The following CTNNA3 variants were observed in gnomAD, a reference collection of about 807,000 sequenced individuals.
The protein encoded by CTNNA3 is catenin alpha 3.
Under a neutral mutation model 95.7 loss-of-function variants are expected in CTNNA3, and 76 were observed. That is an observed-to-expected ratio of 0.79 (90% CI 0.66 to 0.96). The LOEUF (loss-of-function observed/expected upper bound fraction) is 0.96. CTNNA3 is among the 40% of genes least tolerant of loss of function. CTNNA3 has a pLI of 0.00. For synonymous variants in CTNNA3, 431 were observed against 374.4 expected, an observed-to-expected ratio of 1.15 and a Z score of -1.74; for missense variants, 1,191 against 1,089.8, an observed-to-expected ratio of 1.09 and a Z score of -1.31.
chr10:67,338,787 A>G (rs1187493651), intron 5 of CTNNA3, among the ~76,000 whole-genome samples: 1 of 152,212 alleles, frequency 6.6e-6, no homozygotes, highest in Non-Finnish European at 1.5e-5. Flanking sequence ...CATTTCTGCC[A>G]ATCTTGCTGT....
chr10:66,383,645 C>T (rs939086617), intron 11 of CTNNA3, among the ~76,000 whole-genome samples: 1 of 152,138 alleles, frequency 6.6e-6, no homozygotes, highest in Non-Finnish European at 1.5e-5. Flanking sequence ...ACATGATTGT[C>T]AGATTCACCA....
chr10:67,561,783 C>A (rs1329601572), intron 3 of CTNNA3, among the ~76,000 whole-genome samples: 1 of 151,800 alleles, frequency 6.6e-6, no homozygotes, highest in Non-Finnish European at 1.5e-5. Flanking sequence ...TCAAACAGAT[C>A]CAATAAAAAA....
At chr10:67,445,862 AC>A (rs1010373555) in intron 5 of CTNNA3, among the ~76,000 whole-genome samples, 1 of 152,204 alleles carries the variant, frequency 6.6e-6, no homozygotes, top group African/African-American at 2.4e-5. Context: ...CACTGCAATA[AC>A]CCATTTACTC....
chr10:66,175,560 C>T (rs1029751725), intron 13 of CTNNA3, among the ~76,000 whole-genome samples: 9 of 152,092 alleles, frequency 5.9e-5, no homozygotes, highest in Non-Finnish European at 5.9e-5. Context: ...GCAGTTAACA[C>T]AAATAACAAA....
chr10:67,215,863 C>A (rs567979694), intron 6 of CTNNA3, among the ~76,000 whole-genome samples: 2 of 152,118 alleles, frequency 1.3e-5, no homozygotes, highest in Non-Finnish European at 2.9e-5. Flanking sequence ...AAGCTCCAGG[C>A]CATAATTGAA....
At chr10:66,960,865 G>C (rs947996073) in intron 7 of CTNNA3, among the ~76,000 whole-genome samples, 2 of 152,126 alleles carry the variant, frequency 1.3e-5, no homozygotes, top group African/African-American at 2.4e-5. Context: ...CATAGGAGAA[G>C]GAAAGGATCT....
At chr10:66,708,717 C>T (rs1447049244) in intron 9 of CTNNA3, among the ~76,000 whole-genome samples, 1 of 151,952 alleles carries the variant, frequency 6.6e-6, no homozygotes, top group Non-Finnish European at 1.5e-5. Flanking sequence ...AATTTAGAGC[C>T]AAAAGAGACC....
intron 7 of CTNNA3, among the ~76,000 whole-genome samples, chr10:67,026,978 G>A (rs188898492): frequency 1.7e-4 from 26 of 152,266 alleles, no homozygotes; most frequent in African/African-American, 5.3e-4. Context: ...AGTTAATTCT[G>A]GGTTCTCAGA....
At chr10:67,267,620 C>A (rs1589108277) in intron 5 of CTNNA3, among the ~76,000 whole-genome samples, 1 of 152,080 alleles carries the variant, frequency 6.6e-6, no homozygotes, top group African/African-American at 2.4e-5. Context: ...CCCACCTCGG[C>A]CTCCCAAAAA....
At chr10:65,983,110 T>G (rs1311898136) in intron 16 of CTNNA3, among the ~76,000 whole-genome samples, 2 of 151,730 alleles carry the variant, frequency 1.3e-5, no homozygotes, top group Non-Finnish European at 3.0e-5. Context: ...TCATCTTTTC[T>G]TGAATTAGAA....
intron 10 of CTNNA3, among the ~76,000 whole-genome samples, chr10:66,524,350 T>C (rs1305410096): frequency 6.6e-6 from 1 of 152,172 alleles, no homozygotes. Context: ...CCATAAATGC[T>C]ATACTTACAA....
At chr10:67,467,115 G>A (rs186631672) in intron 5 of CTNNA3, among the ~76,000 whole-genome samples, 12 of 152,144 alleles carry the variant, frequency 7.9e-5, no homozygotes, top group Non-Finnish European at 1.6e-4. Flanking sequence ...TTCAGCCTGG[G>A]AGACAGAGTG....
chr10:66,418,525 C>A lies in CTNNA3; in HGVS notation c.1532-39173G>T, dbSNP rs76361224. ...TTCTTCCTAACATATTCTATAAAGC[C>A]GGTATCATTCTGATACCAAAAGCAC... On this transcript the variant is annotated intron_variant, in intron 11 of 17. Coordinates refer to ENST00000433211, the MANE Select transcript of CTNNA3 (RefSeq NM_013266.4). 3.7e-3 allele frequency among the ~76,000 whole-genome samples: 549 copies of A among 148,864 alleles called. 10 individuals are homozygous for A. In the East Asian group the frequency reaches 0.054, roughly 15 times the overall value.
At chr10:66,756,464 C>A (rs960262951) in intron 9 of CTNNA3, among the ~76,000 whole-genome samples, 1 of 152,114 alleles carries the variant, frequency 6.6e-6, no homozygotes, top group Non-Finnish European at 1.5e-5. Flanking sequence ...AGCATCAAAT[C>A]TAACATTTCT....
chr10:65,970,962 G>A (rs1035613139), intron 16 of CTNNA3, among the ~76,000 whole-genome samples: 8 of 150,346 alleles, frequency 5.3e-5, no homozygotes, highest in African/African-American at 1.9e-4. Context: ...TGTTAGACAT[G>A]TGAAATGTTA....
intron 5 of CTNNA3, among the ~76,000 whole-genome samples, chr10:67,489,805 T>TAC (rs148302063): frequency 1.1e-4 from 17 of 148,968 alleles, no homozygotes; most frequent in African/African-American, 3.2e-4. Context: ...TATATATATA[T>TAC]ACACACATTA....
At chr10:66,447,407 C>T (rs1564973207) in intron 11 of CTNNA3, among the ~76,000 whole-genome samples, 1 of 125,168 alleles carries the variant, frequency 8.0e-6, no homozygotes, top group Non-Finnish European at 1.7e-5. Context: ...AGGCATCACA[C>T]TACCTGACTT....
At chr10:67,071,253 AATTCCCTTTGGT>A (rs917458894) in intron 7 of CTNNA3, among the ~76,000 whole-genome samples, 201 of 151,442 alleles carry the variant, frequency 1.3e-3, no homozygotes, top group African/African-American at 4.6e-3. Context: ...TACTTACAAC[AATTCCCTTTGGT>A]ATTCCTTTTA....
At chr10:66,962,319 G>C (rs1447697968) in intron 7 of CTNNA3, among the ~76,000 whole-genome samples, 1 of 151,964 alleles carries the variant, frequency 6.6e-6, no homozygotes, top group Non-Finnish European at 1.5e-5. Context: ...CATGGTCTCC[G>C]TACTTACACC....
Sources: allele counts gnomAD v4.1 joint callset (sites outside exome capture counted in the v4.1 genomes callset), GRCh38; gene constraint gnomAD v4.1.1; transcripts MANE v1.5; gene names NCBI Gene and HGNC (gene_info 2026-07-23, HGNC 2026-07-21).